NBEA: variants seen among roughly 807,000 people sequenced by gnomAD.
NBEA encodes lysosomal-trafficking regulator 2.
A neutral mutation model predicts 343.4 loss-of-function variants in NBEA; 44 were observed. The observed-to-expected ratio is 0.13, with a 90% CI of 0.10 to 0.16. The LOEUF (loss-of-function observed/expected upper bound fraction) is 0.16, where lower values mean the gene tolerates loss of function less well. NBEA is among the 10% of genes least tolerant of loss of function. The pLI, the probability that NBEA is intolerant of heterozygous loss-of-function variation, is 1.00. For synonymous variants in NBEA, 1,175 were observed against 1,238.7 expected (o/e 0.95, Z 1.08); for missense variants, 2,555 against 3,631.3 (o/e 0.70, Z 7.62).
chr13:35,649,874 C>T lies in NBEA; in HGVS notation c.7963+27C>T, dbSNP rs369219495. ...TATGTGTGCCTGAGCAAATCACTTACTAAAGATTTCTTAAAAGCTACAATT... is the reference window on the plus strand; with the variant it reads ...TATGTGTGCCTGAGCAAATCACTTATTAAAGATTTCTTAAAAGCTACAATT... On this transcript the variant is annotated intron_variant, in intron 52 of 58. Transcript: ENST00000379939. 8.8e-6 allele frequency: 14 copies of T among 1,597,002 alleles called. No homozygotes were observed. The African/African-American group carries it at 1.6e-4, about 19-fold the overall frequency.
intron 43 of NBEA, among the ~76,000 whole-genome samples, chr13:35,554,248 TTATG>T (rs2079478147): frequency 3.3e-5 from 5 of 152,134 alleles, no homozygotes; most frequent in Admixed American, 2.6e-4. Flanking sequence ...CTATGAAAAA[TTATG>T]GAGATACTAA....
intron 41 of NBEA, among the ~76,000 whole-genome samples, chr13:35,547,390 G>C (rs1291201131): frequency 6.6e-6 from 1 of 152,126 alleles, no homozygotes; most frequent in African/African-American, 2.4e-5. Context: ...TCTTGCTGCA[G>C]AGGGTCCCTA....
chr13:35,122,827 C>T (rs1013183756), intron 16 of NBEA, among the ~76,000 whole-genome samples: 3 of 152,154 alleles, frequency 2.0e-5, no homozygotes, highest in African/African-American at 7.2e-5. Context: ...TGTATGTTGA[C>T]TAGCCTTTCT....
intron 47 of NBEA, among the ~76,000 whole-genome samples, chr13:35,598,395 C>T (rs2081902483): frequency 6.6e-6 from 1 of 152,176 alleles, no homozygotes; most frequent in African/African-American, 2.4e-5. Flanking sequence ...TTTTCCATGG[C>T]TCTTGGTTAC....
At position 35,671,071 on chromosome 13, in the gene NBEA, A is replaced by T; in HGVS notation, c.*80A>T. On this transcript the variant is annotated 3_prime_UTR_variant, in exon 59 of 59. Transcript: ENST00000379939. Reference sequence around the variant, plus strand: ...GAAAGGCAATATCTCTGGTGGAAAAAACTCGTCTACATCGACCTCCGTTTG... The same window carrying T: ...GAAAGGCAATATCTCTGGTGGAAAATACTCGTCTACATCGACCTCCGTTTG... 1 of 1,012,496 alleles carries T rather than the reference A, an allele frequency of 9.9e-7. No homozygotes were observed. The highest frequency in any genetic ancestry group is 1.5e-6 in the Non-Finnish European group (1 of 671,316). 62.7% of individuals were successfully genotyped at this position (1,012,496 alleles called of 1,614,324 possible). A position where few individuals can be genotyped will look rare whatever the true frequency, so the allele number is the denominator to read the frequency against.
At chr13:35,088,010 A>G (rs2064863825) in intron 10 of NBEA, among the ~76,000 whole-genome samples, 1 of 151,924 alleles carries the variant, frequency 6.6e-6, no homozygotes, top group South Asian at 2.1e-4. Flanking sequence ...AGAAGACTTT[A>G]TATTTTCCAG....
chr13:35,220,058 A>T (rs761096956), intron 33 of NBEA, among the ~76,000 whole-genome samples: 13 of 152,154 alleles, frequency 8.5e-5, no homozygotes, highest in Non-Finnish European at 1.8e-4. Flanking sequence ...TTTGAGAAAC[A>T]GTGTGTAATT....
chr13:35,360,153 AATGAC>A lies in NBEA; in HGVS notation c.6179+7831_6179+7835del, dbSNP rs1322406317. 7.9e-5 allele frequency among the ~76,000 whole-genome samples: 12 copies of A among 152,148 alleles called. No homozygotes were observed. The East Asian group carries it at 2.3e-3, about 29-fold the overall frequency. On this transcript the variant is annotated intron_variant, in intron 38 of 58. Coordinates refer to ENST00000379939, the MANE Select transcript of NBEA (RefSeq NM_001385012.1). ...CTGACCTAAAGCTTGTAGTCATTTC[AATGAC>A]TAATTACTGATTATTGTATTGATTA...
chr13:35,139,776 T>TTTTTTG, intron 17 of NBEA, among the ~76,000 whole-genome samples: 1 of 144,316 alleles, frequency 6.9e-6, no homozygotes, highest in Non-Finnish European at 1.5e-5. Context: ...TTTTTTTATC[T>TTTTTTG]CTTGACTGCT....
chr13:35,050,238 G>A (rs375633543), intron 5 of NBEA, 31 bp from the exon 6 acceptor site: 2 of 1,590,686 alleles, frequency 1.3e-6, no homozygotes, highest in South Asian at 1.1e-5. Flanking sequence ...TTTATCAGAG[G>A]ATATTATACT....
chr13:35,435,593 G>T (rs969492962), intron 39 of NBEA, among the ~76,000 whole-genome samples: 3 of 151,948 alleles, frequency 2.0e-5, no homozygotes, highest in Non-Finnish European at 2.9e-5. Context: ...GGAAAACCTG[G>T]ATAAGGATAA....
At chr13:35,238,946 A>G (rs1055512475) in intron 34 of NBEA, among the ~76,000 whole-genome samples, 9 of 152,308 alleles carry the variant, frequency 5.9e-5, no homozygotes, top group Non-Finnish European at 8.8e-5. Context: ...GAAGCTCCAT[A>G]TCATTCACAG....
At chr13:35,630,940 C>T (rs1326613969) in intron 49 of NBEA, among the ~76,000 whole-genome samples, 1 of 152,158 alleles carries the variant, frequency 6.6e-6, no homozygotes, top group Non-Finnish European at 1.5e-5. Flanking sequence ...CCCTTTCCCA[C>T]TTCCCACCAT....
At chr13:35,022,546 A>G (rs902642380) in intron 1 of NBEA, among the ~76,000 whole-genome samples, 25 of 152,248 alleles carry the variant, frequency 1.6e-4, no homozygotes, top group Non-Finnish European at 2.9e-4. Flanking sequence ...TGTGTAAATT[A>G]TAAGTATTTT....
intron 41 of NBEA, among the ~76,000 whole-genome samples, chr13:35,495,717 A>G (rs779243640): frequency 6.6e-6 from 1 of 152,080 alleles, no homozygotes; most frequent in Non-Finnish European, 1.5e-5. Context: ...TTCTTAGTGC[A>G]CATGGAACAT....
At chr13:35,482,293 A>C (rs1401327417) in intron 41 of NBEA, among the ~76,000 whole-genome samples, 6 of 151,618 alleles carry the variant, frequency 4.0e-5, no homozygotes, top group Admixed American at 6.6e-5. Context: ...GAAGGAAATT[A>C]GTTTATAAAT....
intron 24 of NBEA, among the ~76,000 whole-genome samples, chr13:35,166,917 G>A (rs948829579): frequency 2.0e-5 from 3 of 151,932 alleles, no homozygotes; most frequent in Non-Finnish European, 2.9e-5. Context: ...GGAAACATTG[G>A]CAACGTGAAG....
In NBEA at chr13:35,649,024, T is replaced by TA. The variant is rs550506636; in HGVS notation, c.7771-622dup. On this transcript the variant is annotated intron_variant, in intron 51 of 58. Coordinates refer to ENST00000379939, the MANE Select transcript of NBEA (RefSeq NM_001385012.1). Reference sequence around the variant, plus strand: ...CATGTATCCTGGAACTTAAAATAATTAAAAAAAAAGAAGAAGAAGAAGAAA... The same window carrying TA: ...CATGTATCCTGGAACTTAAAATAATTAAAAAAAAAAGAAGAAGAAGAAGAAA... Among the ~76,000 whole-genome samples the TA allele has an allele frequency of 8.5e-4, 128 of 150,058 alleles. 1 individual carries two copies. The Middle Eastern group carries it at 0.01, about 12-fold the overall frequency.
chr13:35,413,685 C>A (rs942073872), intron 38 of NBEA, among the ~76,000 whole-genome samples: 1 of 152,080 alleles, frequency 6.6e-6, no homozygotes, highest in Non-Finnish European at 1.5e-5. Flanking sequence ...TATTAATTAT[C>A]ATAATACAAC....
Sources: gnomAD v4.1 joint callset for allele counts (sites outside exome capture counted in the v4.1 genomes callset) on GRCh38, gnomAD v4.1.1 for gene constraint, MANE v1.5 for transcripts, NCBI Gene and HGNC (gene_info 2026-07-23, HGNC 2026-07-21) for gene names.